KCNQ5: variants seen among roughly 807,000 people sequenced by gnomAD.
The protein encoded by KCNQ5 is potassium voltage-gated channel subfamily Q member 5, also known as potassium voltage-gated channel subfamily KQT member 5.
Under a neutral mutation model 98.2 loss-of-function variants are expected in KCNQ5, and 30 were observed. The ratio of observed to expected loss-of-function variants is 0.31; its 90% CI spans 0.23 to 0.41. The LOEUF (loss-of-function observed/expected upper bound fraction) is 0.41, where lower values mean the gene tolerates loss of function less well. Ranked by LOEUF, KCNQ5 falls within the 10% of genes least tolerant of loss-of-function variation. The pLI, the probability that KCNQ5 is intolerant of heterozygous loss-of-function variation, is 1.00. For synonymous variants in KCNQ5, 458 were observed against 449.4 expected (o/e 1.02, Z -0.24); for missense variants, 835 against 1,182.5 (o/e 0.71, Z 4.31).
chr6:72,823,043 G>C (rs1775826754), intron 1 of KCNQ5, among the ~76,000 whole-genome samples: 1 of 152,026 alleles, frequency 6.6e-6, no homozygotes, highest in Non-Finnish European at 1.5e-5. Context: ...CCCTCCCCAA[G>C]GGTCTTAATC....
chr6:72,854,079 C>T (rs1241136170), intron 1 of KCNQ5, among the ~76,000 whole-genome samples: 8 of 152,144 alleles, frequency 5.3e-5, no homozygotes, highest in Admixed American at 3.3e-4. Flanking sequence ...TTACAATGAC[C>T]TAATAAACGG....
chr6:72,660,764 G>A (rs112878152), intron 1 of KCNQ5, among the ~76,000 whole-genome samples: 2,003 of 152,206 alleles, frequency 0.013, 31 homozygotes, highest in African/African-American at 0.042. Flanking sequence ...AATAAATGCT[G>A]TTTTCAGAAA....
chr6:72,961,538 C>T (rs1441829146), intron 1 of KCNQ5, among the ~76,000 whole-genome samples: 1 of 146,636 alleles, frequency 6.8e-6, no homozygotes, highest in Non-Finnish European at 1.5e-5. Flanking sequence ...AGGAGAATGG[C>T]GTGAACCCGG....
intron 1 of KCNQ5, among the ~76,000 whole-genome samples, chr6:72,988,146 T>C (rs1428724357): frequency 6.6e-6 from 1 of 152,224 alleles, no homozygotes. Context: ...TGTGTACAGA[T>C]GACCTTTGTT....
intron 10 of KCNQ5, among the ~76,000 whole-genome samples, chr6:73,150,750 A>G (rs894606222): frequency 6.6e-5 from 10 of 151,826 alleles, no homozygotes; most frequent in Non-Finnish European, 1.5e-4. Flanking sequence ...GTGAAAATAT[A>G]CCAATCCCAA....
At chr6:72,764,556 C>T (rs1248473732) in intron 1 of KCNQ5, among the ~76,000 whole-genome samples, 9 of 151,822 alleles carry the variant, frequency 5.9e-5, no homozygotes, top group Non-Finnish European at 1.0e-4. Context: ...GAAATAAGCA[C>T]GTCACGAAGA....
intron 1 of KCNQ5, among the ~76,000 whole-genome samples, chr6:72,660,572 T>G (rs1481441186): frequency 6.6e-6 from 1 of 152,140 alleles, no homozygotes; most frequent in East Asian, 1.9e-4. Flanking sequence ...ACCAAATATT[T>G]CTCTTGACAT....
chr6:73,090,513 AT>A (rs1774200093), intron 5 of KCNQ5, among the ~76,000 whole-genome samples: 1 of 152,154 alleles, frequency 6.6e-6, no homozygotes, highest in Admixed American at 6.5e-5. Flanking sequence ...GGTTTCTCCA[AT>A]GTTATCTTCT....
chr6:73,047,776 G>A (rs1450263844), intron 3 of KCNQ5, among the ~76,000 whole-genome samples: 3 of 152,146 alleles, frequency 2.0e-5, no homozygotes, highest in Admixed American at 6.6e-5. Flanking sequence ...CTAAAACACG[G>A]TCCCTGCCTG....
At chr6:72,661,343 C>T (rs1766514477) in intron 1 of KCNQ5, among the ~76,000 whole-genome samples, 1 of 151,980 alleles carries the variant, frequency 6.6e-6, no homozygotes, top group Admixed American at 6.6e-5. Context: ...TTCTTTAGTC[C>T]TATCATGCAG....
At chr6:72,799,716 T>G (rs964687475) in intron 1 of KCNQ5, among the ~76,000 whole-genome samples, 1 of 152,226 alleles carries the variant, frequency 6.6e-6, no homozygotes, top group Non-Finnish European at 1.5e-5. Flanking sequence ...ATCATAGTCC[T>G]TAACTGTGGG....
chr6:72,948,403 G>A (rs1766643321), intron 1 of KCNQ5, among the ~76,000 whole-genome samples: 2 of 151,980 alleles, frequency 1.3e-5, no homozygotes, highest in South Asian at 4.2e-4. Context: ...TGAGCATTGA[G>A]TATCTTCTGT....
At chr6:72,916,605 G>C (rs531819349) in intron 1 of KCNQ5, among the ~76,000 whole-genome samples, 4 of 152,290 alleles carry the variant, frequency 2.6e-5, no homozygotes, top group South Asian at 2.1e-4. Flanking sequence ...GATCTTAGCA[G>C]TAAAACCTTC....
intron 2 of KCNQ5, among the ~76,000 whole-genome samples, chr6:73,019,205 G>A (rs1394108971): frequency 6.6e-6 from 1 of 152,088 alleles, no homozygotes; most frequent in Non-Finnish European, 1.5e-5. Flanking sequence ...ATTAGAATTT[G>A]ACATGCCTTT....
intron 1 of KCNQ5, among the ~76,000 whole-genome samples, chr6:73,002,657 G>T (rs1769635831): frequency 6.6e-6 from 1 of 152,132 alleles, no homozygotes. Context: ...CCCCTGAATA[G>T]TCAGGGGTCA....
intron 1 of KCNQ5, among the ~76,000 whole-genome samples, chr6:72,632,004 G>A (rs1181883844): frequency 1.3e-5 from 2 of 152,206 alleles, no homozygotes; most frequent in African/African-American, 2.4e-5. Flanking sequence ...CCTGTCCAAA[G>A]TCAGCTTCTG....
At chr6:72,829,024 A>G (rs183052738) in intron 1 of KCNQ5, among the ~76,000 whole-genome samples, 129 of 152,264 alleles carry the variant, frequency 8.5e-4, no homozygotes, top group African/African-American at 2.6e-3. Flanking sequence ...TTATATTTAT[A>G]TAGACCTAAA....
chr6:72,692,148 T>C (rs1348156713), intron 1 of KCNQ5, among the ~76,000 whole-genome samples: 1 of 152,248 alleles, frequency 6.6e-6, no homozygotes, highest in Non-Finnish European at 1.5e-5. Context: ...AAGGGTGAGT[T>C]CATTACTCCT....
chr6:72,674,511 G>A (rs1360837660), intron 1 of KCNQ5, among the ~76,000 whole-genome samples: 1 of 152,028 alleles, frequency 6.6e-6, no homozygotes, highest in Non-Finnish European at 1.5e-5. Context: ...CGGCTCACAC[G>A]TGTAATCCCA....
Sources: gnomAD v4.1 joint callset for allele counts (sites outside exome capture counted in the v4.1 genomes callset) on GRCh38, gnomAD v4.1.1 for gene constraint, MANE v1.5 for transcripts, NCBI Gene and HGNC (gene_info 2026-07-23, HGNC 2026-07-21) for gene names.